The following XKR4 variants were observed in gnomAD, a reference collection of about 807,000 sequenced individuals.
The protein encoded by XKR4 is XK related 4.
XKR4 carries 12 observed loss-of-function variants against 53.9 expected under a neutral mutation model. The ratio of observed to expected loss-of-function variants is 0.22; its 90% CI spans 0.14 to 0.36. The LOEUF is 0.36. Ranked by LOEUF, XKR4 falls within the 10% of genes least tolerant of loss-of-function variation. The pLI is 1.00. For missense variants in XKR4, 799 were observed against 859.5 expected (o/e 0.93, Z 0.88); for synonymous variants, 354 against 362.4 (o/e 0.98, Z 0.26).
chr8:55,485,976 G>A (rs1329181743), intron 2 of XKR4, among the ~76,000 whole-genome samples: 2 of 152,066 alleles, frequency 1.3e-5, no homozygotes, highest in Admixed American at 6.5e-5. Flanking sequence ...TTCTTAAAAG[G>A]GAATTTAAGA....
intron 2 of XKR4, among the ~76,000 whole-genome samples, chr8:55,370,050 AC>A (rs1804051063): frequency 6.6e-6 from 1 of 152,058 alleles, no homozygotes; most frequent in Non-Finnish European, 1.5e-5. Context: ...AAAGAGCGAG[AC>A]CCCCATCTGT....
At chr8:55,306,957 T>G (rs548796854) in intron 1 of XKR4, among the ~76,000 whole-genome samples, 2 of 149,466 alleles carry the variant, frequency 1.3e-5, no homozygotes, top group Admixed American at 6.6e-5. Context: ...AAAAAGAGCC[T>G]CAACCTAAGC....
At chr8:55,307,974 G>A (rs564377631) in intron 1 of XKR4, among the ~76,000 whole-genome samples, 167 of 152,244 alleles carry the variant, frequency 1.1e-3, no homozygotes, top group Non-Finnish European at 2.1e-3. Context: ...CTACCAGAGG[G>A]CCAGGCATGG....
chr8:55,475,743 T>G (rs527878803), intron 2 of XKR4, among the ~76,000 whole-genome samples: 12 of 151,796 alleles, frequency 7.9e-5, no homozygotes, highest in Non-Finnish European at 1.5e-4. Flanking sequence ...GCTGGGATTA[T>G]AGGCGCACAC....
At chr8:55,376,619 G>T (rs1804155281) in intron 2 of XKR4, among the ~76,000 whole-genome samples, 1 of 151,966 alleles carries the variant, frequency 6.6e-6, no homozygotes, top group Admixed American at 6.6e-5. Flanking sequence ...GTAGATTCTG[G>T]ATATTAGACT....
Position 55,243,855 on chromosome 8 carries a change from C to A in XKR4, c.807-113823C>A, listed in dbSNP as rs116238633. ...GGAAGGTGACGGTCGGATCTCCCTG[C>A]ATGGTAGCGATGAAGGATAACCTAG... On this transcript the variant is annotated intron_variant, in intron 1 of 2. Transcript: ENST00000327381. Among the ~76,000 whole-genome samples, 436 of 152,320 alleles carry A rather than the reference C, an allele frequency of 2.9e-3. 4 individuals carry two copies. Among genetic ancestry groups the A allele is most frequent in the African/African-American group, 9.8e-3 (407 of 41,580 alleles).
At chr8:55,271,281 A>T (rs549585223) in intron 1 of XKR4, among the ~76,000 whole-genome samples, 20 of 152,336 alleles carry the variant, frequency 1.3e-4, no homozygotes, top group African/African-American at 4.1e-4. Context: ...AAAGTGAATC[A>T]TTAATTAATA....
At chr8:55,347,332 G>C (rs988297) in intron 1 of XKR4, among the ~76,000 whole-genome samples, 6,442 of 152,278 alleles carry the variant, frequency 0.042, 211 homozygotes, top group Non-Finnish European at 0.061. Context: ...CACTGGACTT[G>C]ATTTTGTGCC....
Position 55,523,729 on chromosome 8 carries a change from C to T in XKR4, c.1455C>T (p.Asp485=). 1 of 1,614,132 alleles carries T rather than the reference C, an allele frequency of 6.2e-7. No individual in the cohort carries two copies. Among genetic ancestry groups the T allele is most frequent in the Non-Finnish European group, 8.5e-7 (1 of 1,180,018 alleles). Residue 485 remains aspartate (D), a synonymous_variant, in exon 3 of 3, where the codon GAC becomes GAT. Coordinates refer to ENST00000327381, the MANE Select transcript of XKR4 (RefSeq NM_052898.2). ...TCTACAAGGCTCCCCAGATTGCAGA[C>T]GCATTTGCCATTCCAGCGCTGTGTG... ...WYLYKAPQIA[D]AFAIPALCVV...
chr8:55,406,521 G>A (rs1046070243), intron 2 of XKR4, among the ~76,000 whole-genome samples: 13 of 152,146 alleles, frequency 8.5e-5, no homozygotes, highest in African/African-American at 2.7e-4. Context: ...AGAAAGGCCC[G>A]GGTCTGCCTG....
chr8:55,280,287 G>A (rs1313410648), intron 1 of XKR4, among the ~76,000 whole-genome samples: 2 of 152,132 alleles, frequency 1.3e-5, no homozygotes, highest in Non-Finnish European at 1.5e-5. Flanking sequence ...TTTGTTAGGC[G>A]CCCACTGAGC....
At chr8:55,310,704 G>C (rs971562782) in intron 1 of XKR4, among the ~76,000 whole-genome samples, 45 of 152,300 alleles carry the variant, frequency 3.0e-4, no homozygotes, top group African/African-American at 1.0e-3. Context: ...GGTGTAAAAA[G>C]ACGCTTGAAT....
At chr8:55,319,697 A>G (rs537933760) in intron 1 of XKR4, among the ~76,000 whole-genome samples, 1 of 152,344 alleles carries the variant, frequency 6.6e-6, no homozygotes, top group East Asian at 1.9e-4. Context: ...TTAATAATAT[A>G]ACAAAGTATG....
At chr8:55,187,898 C>T (rs545597892) in intron 1 of XKR4, among the ~76,000 whole-genome samples, 14 of 152,216 alleles carry the variant, frequency 9.2e-5, no homozygotes, top group African/African-American at 2.4e-4. Flanking sequence ...TTTAAAGTGA[C>T]GATTAATTAT....
chr8:55,386,545 A>G (rs368637026), intron 2 of XKR4, among the ~76,000 whole-genome samples: 9 of 152,378 alleles, frequency 5.9e-5, no homozygotes, highest in East Asian at 3.9e-4. Flanking sequence ...GGATTCAATA[A>G]GAAGTTTCTG....
chr8:55,441,980 G>GA (rs1035438905), intron 2 of XKR4, among the ~76,000 whole-genome samples: 3 of 151,144 alleles, frequency 2.0e-5, no homozygotes, highest in African/African-American at 7.3e-5. Context: ...AAAGAAAATA[G>GA]AAAAAAATGA....
At chr8:55,341,238 A>G (rs1288717692) in intron 1 of XKR4, among the ~76,000 whole-genome samples, 1 of 152,046 alleles carries the variant, frequency 6.6e-6, no homozygotes, top group African/African-American at 2.4e-5. Context: ...GGCAGCTGGG[A>G]CCCAAGCCCA....
At chr8:55,239,588 C>G (rs1818179884) in intron 1 of XKR4, among the ~76,000 whole-genome samples, 2 of 152,200 alleles carry the variant, frequency 1.3e-5, no homozygotes, top group Admixed American at 1.3e-4. Flanking sequence ...TTGTGTTCCT[C>G]TTCCCCTCTC....
intron 2 of XKR4, among the ~76,000 whole-genome samples, chr8:55,438,599 A>G (rs1245601202): frequency 6.6e-6 from 1 of 151,194 alleles, no homozygotes; most frequent in Non-Finnish European, 1.5e-5. Flanking sequence ...TGAAAAAAAA[A>G]AAAAAAAAGA....
Sources: gnomAD v4.1 joint callset for allele counts (sites outside exome capture counted in the v4.1 genomes callset) on GRCh38, gnomAD v4.1.1 for gene constraint, MANE v1.5 for transcripts, NCBI Gene and HGNC (gene_info 2026-07-23, HGNC 2026-07-21) for gene names.